CSMD1: variants seen among roughly 807,000 people sequenced by gnomAD.
CSMD1 encodes the protein CUB and Sushi multiple domains 1.
Under a neutral mutation model 417.5 loss-of-function variants are expected in CSMD1, and 213 were observed. That is an observed-to-expected ratio of 0.51 (90% CI 0.46 to 0.57). CSMD1 has a LOEUF of 0.57. Among genes scored for constraint, CSMD1 ranks in the 20% least tolerant of loss-of-function variants. CSMD1 has a pLI of 0.00. For synonymous variants in CSMD1, 2,862 were observed against 1,736.8 expected (o/e 1.65, Z -16.11); for missense variants, 6,923 against 4,529.7 (o/e 1.53, Z -15.17).
chr8:3,732,141 C>T (rs527462605), intron 6 of CSMD1, among the ~76,000 whole-genome samples: 11 of 152,170 alleles, frequency 7.2e-5, no homozygotes, highest in South Asian at 6.2e-4. Context: ...GCGGAAGCCA[C>T]GGGCAAGCCC....
chr8:3,079,230 G>C (rs1813908131), intron 49 of CSMD1, among the ~76,000 whole-genome samples: 1 of 152,172 alleles, frequency 6.6e-6, no homozygotes, highest in Non-Finnish European at 1.5e-5. Flanking sequence ...TGGCCAGTTT[G>C]AGCTATATGG....
intron 33 of CSMD1, among the ~76,000 whole-genome samples, chr8:3,190,725 GCAAA>G (rs1401469194): frequency 6.6e-6 from 1 of 152,176 alleles, no homozygotes; most frequent in African/African-American, 2.4e-5. Flanking sequence ...GTCTAGATGT[GCAAA>G]CAACCTAAAT....
At chr8:4,884,138 C>G (rs1803578401) in intron 1 of CSMD1, among the ~76,000 whole-genome samples, 1 of 151,980 alleles carries the variant, frequency 6.6e-6, no homozygotes, top group Non-Finnish European at 1.5e-5. Flanking sequence ...GGATCAATGT[C>G]TATTCACACC....
At chr8:3,807,640 C>T (rs1007746138) in intron 5 of CSMD1, among the ~76,000 whole-genome samples, 1 of 152,150 alleles carries the variant, frequency 6.6e-6, no homozygotes, top group South Asian at 2.1e-4. Context: ...TTTCAGTAAA[C>T]ACTGGGAAGT....
chr8:4,576,005 C>G (rs924448253), intron 2 of CSMD1, among the ~76,000 whole-genome samples: 1 of 152,220 alleles, frequency 6.6e-6, no homozygotes, highest in African/African-American at 2.4e-5. Context: ...CTGCCGTGAT[C>G]TCTTGGGTGG....
chr8:4,953,005 C>T (rs1232108594), intron 1 of CSMD1, among the ~76,000 whole-genome samples: 1 of 152,072 alleles, frequency 6.6e-6, no homozygotes, highest in Non-Finnish European at 1.5e-5. Flanking sequence ...CATACTTATA[C>T]TAAAGGTTTT....
chr8:4,340,577 C>T (rs1247731713), intron 3 of CSMD1, among the ~76,000 whole-genome samples: 1 of 152,080 alleles, frequency 6.6e-6, no homozygotes, highest in Admixed American at 6.6e-5. Flanking sequence ...GGACAAAACC[C>T]ACCCTGCTGA....
intron 3 of CSMD1, among the ~76,000 whole-genome samples, chr8:4,323,096 C>A (rs938955420): frequency 4.0e-5 from 6 of 151,810 alleles, no homozygotes. Context: ...ATGGAAAAAT[C>A]ATATGATTTT....
intron 50 of CSMD1, among the ~76,000 whole-genome samples, chr8:3,049,246 T>C (rs1361667154): frequency 6.6e-6 from 1 of 152,178 alleles, no homozygotes; most frequent in Non-Finnish European, 1.5e-5. Context: ...TACTCAAATA[T>C]GTTAAAAACT....
chr8:2,937,303 G>C lies in CSMD1; in HGVS notation c.*1282C>G, dbSNP rs779579885. Reference sequence around the variant, plus strand: ...TAAAATATATCATTGTGAGAGGAGAGTGTGTGTACTTTTTCCTTCCCTCTA... The same window carrying C: ...TAAAATATATCATTGTGAGAGGAGACTGTGTGTACTTTTTCCTTCCCTCTA... On this transcript the variant is annotated 3_prime_UTR_variant, in exon 70 of 70. Coordinates refer to ENST00000635120, the MANE Select transcript of CSMD1 (RefSeq NM_033225.6). The C allele has an allele frequency of 5.3e-5, 8 of 152,120 alleles. No homozygotes were observed. The highest frequency in any genetic ancestry group is 7.4e-5 in the Non-Finnish European group (5 of 68,024). The allele number at this position is 152,120 out of a possible 1,614,324, so 9.4% of individuals were successfully genotyped here.
At chr8:4,130,543 C>T (rs1175648952) in intron 3 of CSMD1, among the ~76,000 whole-genome samples, 1 of 152,036 alleles carries the variant, frequency 6.6e-6, no homozygotes, top group Non-Finnish European at 1.5e-5. Flanking sequence ...TTCTTCTTTC[C>T]TGGTTCTTTT....
intron 46 of CSMD1, among the ~76,000 whole-genome samples, chr8:3,105,999 G>A (rs1231980021): frequency 2.0e-5 from 3 of 152,074 alleles, no homozygotes; most frequent in East Asian, 1.9e-4. Context: ...ATTTGATATG[G>A]CCTTGGTTTA....
chr8:3,198,335 C>G lies in CSMD1; in HGVS notation c.5194+1379G>C, dbSNP rs185606674. On this transcript the variant is annotated intron_variant, in intron 33 of 69. Transcript: ENST00000635120. Reference sequence around the variant, plus strand: ...GAGGCAGCCCAGTTTCTTTACACATCTCACATACTTTGGTCTAAACGTGAT... The same window carrying G: ...GAGGCAGCCCAGTTTCTTTACACATGTCACATACTTTGGTCTAAACGTGAT... 1.1e-4 allele frequency among the ~76,000 whole-genome samples: 16 copies of G among 152,346 alleles called. No homozygotes were observed. The East Asian group carries it at 3.1e-3, about 29-fold the overall frequency.
At position 4,358,601 on chromosome 8, in the gene CSMD1, T is replaced by A. The variant is rs116504724; in HGVS notation, c.415+61352A>T. Among the ~76,000 whole-genome samples the A allele has an allele frequency of 5.7e-3, 872 of 152,326 alleles. 13 individuals carry two copies. Among genetic ancestry groups the A allele is most frequent in the African/African-American group, 0.02 (830 of 41,572 alleles). ...ATTTAAAGAAAAAGTGTGCTGAAAG[T>A]AATAGTCTAACAGGGTATAACTATA... is the stretch of plus-strand genomic sequence containing the variant. On this transcript the variant is annotated intron_variant, in intron 3 of 69. Coordinates refer to ENST00000635120, the MANE Select transcript of CSMD1 (RefSeq NM_033225.6).
At chr8:4,373,634 TC>T (rs1802535933) in intron 3 of CSMD1, among the ~76,000 whole-genome samples, 1 of 152,222 alleles carries the variant, frequency 6.6e-6, no homozygotes, top group Non-Finnish European at 1.5e-5. Context: ...AAATTTCTTT[TC>T]TAAAAATATT....
At chr8:4,354,657 G>A (rs1249191704) in intron 3 of CSMD1, among the ~76,000 whole-genome samples, 3 of 151,918 alleles carry the variant, frequency 2.0e-5, no homozygotes, top group Non-Finnish European at 2.9e-5. Flanking sequence ...GAACATCTAT[G>A]CAGAATTTAA....
At chr8:3,649,613 C>T (rs1237055222) in intron 7 of CSMD1, among the ~76,000 whole-genome samples, 2 of 151,672 alleles carry the variant, frequency 1.3e-5, no homozygotes, top group African/African-American at 4.9e-5. Context: ...CTTATGAGAA[C>T]TTACTCACCA....
chr8:3,092,833 G>T (rs775208993), intron 47 of CSMD1, among the ~76,000 whole-genome samples: 1 of 152,152 alleles, frequency 6.6e-6, no homozygotes, highest in Non-Finnish European at 1.5e-5. Context: ...TCGTAAAAGC[G>T]TTCATGGCAT....
intron 17 of CSMD1, among the ~76,000 whole-genome samples, chr8:3,393,325 C>G (rs1811460642): frequency 6.6e-6 from 1 of 152,194 alleles, no homozygotes; most frequent in Admixed American, 6.5e-5. Flanking sequence ...GGCTATACAG[C>G]TACCTCCTGA....
Sources: gnomAD v4.1 joint callset for allele counts (sites outside exome capture counted in the v4.1 genomes callset) on GRCh38, gnomAD v4.1.1 for gene constraint, MANE v1.5 for transcripts, NCBI Gene and HGNC (gene_info 2026-07-23, HGNC 2026-07-21) for gene names.